MALRD1: variants seen among roughly 807,000 people sequenced by gnomAD.
MALRD1 encodes MAM and LDL-receptor class A domain-containing protein 1.
A neutral mutation model predicts 242.1 loss-of-function variants in MALRD1; 247 were observed. The observed-to-expected ratio is 1.02, with a 90% CI of 0.92 to 1.13. MALRD1 has a LOEUF of 1.13. Among genes scored for constraint, MALRD1 ranks in the 50% most tolerant of loss-of-function variants. The pLI is 0.00. For synonymous variants in MALRD1, 995 were observed against 866.6 expected, an observed-to-expected ratio of 1.15 and a Z score of -2.60; for missense variants, 2,989 against 2,533.1, an observed-to-expected ratio of 1.18 and a Z score of -3.86.
At chr10:19,131,793 G>A (rs564864708) in intron 8 of MALRD1, among the ~76,000 whole-genome samples, 3 of 152,256 alleles carry the variant, frequency 2.0e-5, no homozygotes, top group Non-Finnish European at 2.9e-5. Context: ...GACCGGTGGA[G>A]CAAAGATATA....
intron 38 of MALRD1, among the ~76,000 whole-genome samples, chr10:19,710,068 T>A (rs1834037492): frequency 6.6e-6 from 1 of 152,030 alleles, no homozygotes; most frequent in Admixed American, 6.6e-5. Flanking sequence ...ACCACTGCAC[T>A]CCAGCCTGGG....
At chr10:19,262,049 T>G (rs1199795694) in intron 19 of MALRD1, among the ~76,000 whole-genome samples, 2 of 152,172 alleles carry the variant, frequency 1.3e-5, no homozygotes, top group Admixed American at 1.3e-4. Flanking sequence ...TATTTTTACT[T>G]TGTCTTAAAA....
intron 33 of MALRD1, among the ~76,000 whole-genome samples, chr10:19,586,453 C>T (rs1243040907): frequency 6.6e-6 from 1 of 152,208 alleles, no homozygotes; most frequent in Middle Eastern, 3.4e-3. Flanking sequence ...CGGACAGGAC[C>T]CTCAGCTGCA....
chr10:19,662,220 A>G (rs1440514590), intron 36 of MALRD1, among the ~76,000 whole-genome samples: 1 of 152,178 alleles, frequency 6.6e-6, no homozygotes, highest in African/African-American at 2.4e-5. Flanking sequence ...TTTCGTATTT[A>G]TAATTGAATA....
At chr10:19,597,052 G>A (rs563871167) in intron 34 of MALRD1, among the ~76,000 whole-genome samples, 57 of 152,290 alleles carry the variant, frequency 3.7e-4, no homozygotes, top group African/African-American at 1.3e-3. Context: ...TTAAATCAGT[G>A]AAACTCTTTT....
Position 19,611,196 on chromosome 10 carries a change from C to A in MALRD1, c.6070+3294C>A, listed in dbSNP as rs562075493. On this transcript the variant is annotated intron_variant, in intron 35 of 39. Coordinates refer to ENST00000454679, the MANE Select transcript of MALRD1 (RefSeq NM_001142308.3). ...TCATACATATTTCTACATGAAGAATCTTATACTTAGAGTACCTAGCTCAAA... is the reference window on the plus strand; with the variant it reads ...TCATACATATTTCTACATGAAGAATATTATACTTAGAGTACCTAGCTCAAA... Among the ~76,000 whole-genome samples, 4 of 152,012 alleles carry A rather than the reference C, an allele frequency of 2.6e-5. No homozygotes were observed. In the South Asian group the frequency reaches 8.3e-4, roughly 32 times the overall value.
At chr10:19,132,634 C>A (rs550728109) in intron 8 of MALRD1, among the ~76,000 whole-genome samples, 1 of 152,192 alleles carries the variant, frequency 6.6e-6, no homozygotes, top group Non-Finnish European at 1.5e-5. Flanking sequence ...CAAGATGTTG[C>A]CTTTCAGGGC....
rs1309869176 is a variant in MALRD1, at chr10:19,347,871, T to C, written c.4002T>C (p.Pro1334=). The C allele has an allele frequency of 6.4e-7, 1 of 1,550,422 alleles. No homozygotes were observed. Among genetic ancestry groups the C allele is most frequent in the Admixed American group, 2.0e-5 (1 of 50,988 alleles). ...FDWNLKASSI[P]AAGTEPAADH... is the part of the protein sequence containing the mutation. ...GGAACCTGAAAGCTAGCAGCATCCC[T>C]GCAGCAGGCACAGAGCCAGCAGCAG... The change falls in exon 25 of 40, where the codon CCT becomes CCC. Residue 1334 remains proline, a synonymous_variant. Transcript: ENST00000454679.
intron 29 of MALRD1, chr10:19,489,140 G>A: frequency 2.1e-6 from 1 of 467,686 alleles, no homozygotes; most frequent in Non-Finnish European, 4.4e-6. Context: ...GCCGCCACAG[G>A]AAAAGCCTAA....
At chr10:19,487,808 G>A (rs1837302524) in intron 29 of MALRD1, among the ~76,000 whole-genome samples, 1 of 152,028 alleles carries the variant, frequency 6.6e-6, no homozygotes, top group African/African-American at 2.4e-5. Context: ...ACCATTTGCT[G>A]TTGTCTTAGA....
chr10:19,693,780 G>A (rs911274365), intron 38 of MALRD1, among the ~76,000 whole-genome samples: 2 of 151,942 alleles, frequency 1.3e-5, no homozygotes, highest in Admixed American at 6.6e-5. Flanking sequence ...CAATCCTAAG[G>A]CAAAAGAACA....
intron 36 of MALRD1, among the ~76,000 whole-genome samples, chr10:19,637,790 C>T (rs1840203297): frequency 6.6e-6 from 1 of 151,862 alleles, no homozygotes; most frequent in Middle Eastern, 3.2e-3. Context: ...AGGGAGAGAG[C>T]ATCATGTGGC....
intron 32 of MALRD1, among the ~76,000 whole-genome samples, chr10:19,540,997 G>T (rs1006668058): frequency 2.6e-5 from 4 of 151,976 alleles, no homozygotes; most frequent in African/African-American, 9.7e-5. Context: ...CTAATTAAGT[G>T]GGTACTAGTT....
intron 21 of MALRD1, among the ~76,000 whole-genome samples, chr10:19,312,926 G>C (rs1441558387): frequency 6.6e-6 from 1 of 151,476 alleles, no homozygotes; most frequent in East Asian, 1.9e-4. Context: ...AGTGATCATT[G>C]TAAAAACGGA....
chr10:19,314,980 C>G (rs769414143), intron 21 of MALRD1, among the ~76,000 whole-genome samples: 6 of 146,488 alleles, frequency 4.1e-5, no homozygotes, highest in Non-Finnish European at 9.0e-5. Flanking sequence ...TCCAGCTGAT[C>G]TGGAATGTGT....
chr10:19,115,942 A>G lies in MALRD1; in HGVS notation c.695-7550A>G, dbSNP rs1355444678. 1.3e-5 allele frequency among the ~76,000 whole-genome samples: 2 copies of G among 152,210 alleles called. 1 individual carries two copies. The highest frequency in any genetic ancestry group is 3.8e-4 in the East Asian group (2 of 5,200). ...TTTATAAAACTGCTTAGTATTAGGT[A>G]TTTTCACAGTTTCTGAACACTTTGC... On this transcript the variant is annotated intron_variant, in intron 5 of 39. Transcript: ENST00000454679.
chr10:19,284,337 G>C (rs1350862926), intron 21 of MALRD1, among the ~76,000 whole-genome samples: 3 of 150,424 alleles, frequency 2.0e-5, no homozygotes, highest in Non-Finnish European at 3.0e-5. Context: ...TGCCACGCTG[G>C]TGCGCTGCAC....
intron 22 of MALRD1, among the ~76,000 whole-genome samples, chr10:19,326,040 T>A (rs1325122269): frequency 6.6e-5 from 2 of 30,416 alleles, no homozygotes; most frequent in African/African-American, 1.0e-4. Context: ...AATTTTAGAA[T>A]TTTTTTTATA....
At chr10:19,718,131 AGAAGAG>A (rs1474022002) in intron 38 of MALRD1, among the ~76,000 whole-genome samples, 7 of 151,162 alleles carry the variant, frequency 4.6e-5, no homozygotes, top group Non-Finnish European at 7.4e-5. Context: ...AAGAAGAGGA[AGAAGAG>A]GAAGAGGAAG....
Sources: gnomAD v4.1 joint callset for allele counts (sites outside exome capture counted in the v4.1 genomes callset) on GRCh38, gnomAD v4.1.1 for gene constraint, MANE v1.5 for transcripts, NCBI Gene and HGNC (gene_info 2026-07-23, HGNC 2026-07-21) for gene names.